KAZN: variants seen among roughly 807,000 people sequenced by gnomAD.
The protein encoded by KAZN is kazrin, periplakin interacting protein, also known as kazrin.
Under a neutral mutation model 87.4 loss-of-function variants are expected in KAZN, and 40 were observed. That is an observed-to-expected ratio of 0.46 (90% CI 0.36 to 0.60). The LOEUF is 0.60. KAZN is among the 20% of genes least tolerant of loss of function. The probability of loss-of-function intolerance (pLI) is 0.00; values close to 1 mark genes in which losing one functional copy is unlikely to be tolerated. For missense variants in KAZN, 898 were observed against 1,073.9 expected, an observed-to-expected ratio of 0.84 and a Z score of 2.29; for synonymous variants, 466 against 458.3, an observed-to-expected ratio of 1.02 and a Z score of -0.22.
chr1:14,072,189 A>G (rs1643274928), intron 1 of KAZN, among the ~76,000 whole-genome samples: 1 of 152,194 alleles, frequency 6.6e-6, no homozygotes, highest in South Asian at 2.1e-4. Context: ...TTTACATTAT[A>G]AAGTTGTCTT....
intron 1 of KAZN, among the ~76,000 whole-genome samples, chr1:14,858,433 G>A (rs1453757783): frequency 2.6e-5 from 4 of 151,934 alleles, no homozygotes; most frequent in South Asian, 2.1e-4. Context: ...GGCTGGTCTC[G>A]AACTCCTGAC....
intron 1 of KAZN, among the ~76,000 whole-genome samples, chr1:13,977,782 T>A (rs751113534): frequency 6.6e-6 from 1 of 152,120 alleles, no homozygotes; most frequent in Non-Finnish European, 1.5e-5. Context: ...AGGAGGAAAC[T>A]ACAGAAAAAT....
chr1:14,100,004 A>T (rs1440480729), intron 1 of KAZN, among the ~76,000 whole-genome samples: 1 of 151,852 alleles, frequency 6.6e-6, no homozygotes, highest in Non-Finnish European at 1.5e-5. Flanking sequence ...TTGGAGATGG[A>T]TCTGAAAGGC....
At chr1:14,836,549 A>G (rs1449925621) in intron 1 of KAZN, among the ~76,000 whole-genome samples, 2 of 152,104 alleles carry the variant, frequency 1.3e-5, no homozygotes, top group African/African-American at 4.8e-5. Flanking sequence ...AACTTGACGG[A>G]AGCTCATCTG....
intron 1 of KAZN, among the ~76,000 whole-genome samples, chr1:14,823,770 G>A (rs1007311436): frequency 6.6e-6 from 1 of 152,134 alleles, no homozygotes; most frequent in African/African-American, 2.4e-5. Flanking sequence ...AGTTCTTGGT[G>A]CTCCAGGAAA....
chr1:14,724,685 A>G (rs1643295999), intron 1 of KAZN, among the ~76,000 whole-genome samples: 1 of 152,240 alleles, frequency 6.6e-6, no homozygotes, highest in Non-Finnish European at 1.5e-5. Context: ...ATGTTCCATT[A>G]AAACTCATTT....
At chr1:14,585,973 G>T (rs1416623631) in intron 2 of KAZN, among the ~76,000 whole-genome samples, 2 of 152,158 alleles carry the variant, frequency 1.3e-5, no homozygotes, top group African/African-American at 4.8e-5. Context: ...AAAGAAACCA[G>T]GTCCCTCCTG....
In KAZN at chr1:14,842,477, G is replaced by A. The variant is rs552904542; in HGVS notation, c.227-118207G>A. 1.5e-3 allele frequency among the ~76,000 whole-genome samples: 221 copies of A among 152,326 alleles called. 1 individual carries two copies. Among genetic ancestry groups the A allele is most frequent in the African/African-American group, 5.0e-3 (206 of 41,564 alleles). On this transcript the variant is annotated intron_variant, in intron 1 of 14. Transcript: ENST00000376030. ...GGCACTGCAGGGAGGCCCTGGGCAG[G>A]GGCATTCTCTCCTGTTGCGTTAGCT...
chr1:14,782,274 C>T (rs554023404), intron 1 of KAZN, among the ~76,000 whole-genome samples: 37 of 151,962 alleles, frequency 2.4e-4, no homozygotes, highest in African/African-American at 8.2e-4. Flanking sequence ...CGGCTGGGTG[C>T]GGTGGTTCCC....
At chr1:15,071,504 C>T (rs1639506004) in intron 8 of KAZN, among the ~76,000 whole-genome samples, 1 of 152,190 alleles carries the variant, frequency 6.6e-6, no homozygotes, top group South Asian at 2.1e-4. Flanking sequence ...ATCCACCCAC[C>T]TTGGCCTCCC....
intron 1 of KAZN, among the ~76,000 whole-genome samples, chr1:14,734,185 T>C (rs1219718745): frequency 6.6e-6 from 1 of 152,194 alleles, no homozygotes; most frequent in Admixed American, 6.5e-5. Flanking sequence ...AAGTAGCACC[T>C]AACTCAGTGT....
At position 15,056,991 on chromosome 1, in the gene KAZN, A is replaced by G. The variant is rs1011192715; in HGVS notation, c.916+711A>G. The stretch of plus-strand genomic sequence containing the variant: ...GGGAACAGGCATCCAGCAGCAGCCA[A>G]TGCACCAGAGGTAAGAGCTGGTCAC... On this transcript the variant is annotated intron_variant, in intron 5 of 14. Transcript: ENST00000376030. This position sits in a 1 kb window ranked among gnomAD's most constrained non-coding sequence, Gnocchi z 5.4. 6.6e-6 allele frequency among the ~76,000 whole-genome samples: 1 copy of G among 152,232 alleles called. No homozygotes were observed. Among genetic ancestry groups the G allele is most frequent in the South Asian group, 2.1e-4 (1 of 4,836 alleles).
At chr1:14,837,248 G>C (rs1189594140) in intron 1 of KAZN, among the ~76,000 whole-genome samples, 1 of 152,164 alleles carries the variant, frequency 6.6e-6, no homozygotes, top group Non-Finnish European at 1.5e-5. Flanking sequence ...GCCCAGGCTG[G>C]AGTGCAATAG....
chr1:13,997,404 G>C (rs543958050), intron 1 of KAZN, among the ~76,000 whole-genome samples: 1 of 152,034 alleles, frequency 6.6e-6, no homozygotes, highest in East Asian at 1.9e-4. Flanking sequence ...TCAGAAGATG[G>C]GTAATAAAAA....
At chr1:14,032,626 C>T (rs1641377078) in intron 1 of KAZN, among the ~76,000 whole-genome samples, 1 of 152,216 alleles carries the variant, frequency 6.6e-6, no homozygotes, top group African/African-American at 2.4e-5. Context: ...CTGCATGCAG[C>T]TACCAGAGTG....
intron 2 of KAZN, among the ~76,000 whole-genome samples, chr1:14,228,757 A>T (rs1027358259): frequency 2.6e-5 from 4 of 152,232 alleles, no homozygotes; most frequent in Admixed American, 1.3e-4. Context: ...GAGCCTAGAA[A>T]CATGAGCTGA....
intron 4 of KAZN, among the ~76,000 whole-genome samples, chr1:15,049,804 C>T (rs191768532): frequency 6.6e-6 from 1 of 152,244 alleles, no homozygotes; most frequent in Admixed American, 6.5e-5. Context: ...GCAGGTGGAT[C>T]ACCTGAGGTC....
At position 14,406,716 on chromosome 1, in the gene KAZN, A is replaced by T. The variant is rs1428586717; in HGVS notation, c.250-192267A>T. Among the ~76,000 whole-genome samples the T allele has an allele frequency of 2.6e-5, 4 of 152,236 alleles. No individual in the cohort carries two copies. The East Asian group carries it at 7.7e-4, about 29-fold the overall frequency. Reference sequence around the variant, plus strand: ...AATTAAAAAATTAAAATGATTAAATAAACAAGTATTAATCTCATCCTAAAA... The same window carrying T: ...AATTAAAAAATTAAAATGATTAAATTAACAAGTATTAATCTCATCCTAAAA... On this transcript the variant is annotated intron_variant, in intron 2 of 16. Transcript: ENST00000636203.
intron 2 of KAZN, among the ~76,000 whole-genome samples, chr1:14,330,936 A>G (rs954509931): frequency 2.0e-5 from 3 of 152,194 alleles, no homozygotes; most frequent in African/African-American, 7.2e-5. Context: ...AGTTTCATAA[A>G]GAAAAGTGCA....
Sources: allele counts gnomAD v4.1 joint callset (sites outside exome capture counted in the v4.1 genomes callset), GRCh38; gene constraint gnomAD v4.1.1; non-coding constraint Gnocchi (gnomAD v3.1); transcripts MANE v1.5; gene names NCBI Gene and HGNC (gene_info 2026-07-23, HGNC 2026-07-21).